The following FHIP1A variants were observed in gnomAD, a reference collection of about 807,000 sequenced individuals.
The protein encoded by FHIP1A is FHF complex subunit HOOK-interacting protein 1A.
Under a neutral mutation model 88.6 loss-of-function variants are expected in FHIP1A, and 61 were observed. The observed-to-expected ratio is 0.69, with a 90% CI of 0.56 to 0.85. FHIP1A has a LOEUF of 0.85. FHIP1A is among the 40% of genes least tolerant of loss of function. The pLI is 0.00. For synonymous variants in FHIP1A, 478 were observed against 496.0 expected (o/e 0.96, Z 0.48); for missense variants, 1,154 against 1,273.5 (o/e 0.91, Z 1.43).
chr4:151,504,562 TTTATG>T (rs59935750), intron 3 of FHIP1A, among the ~76,000 whole-genome samples: 1,856 of 145,222 alleles, frequency 0.013, 15 homozygotes, highest in South Asian at 0.029. Flanking sequence ...GGGAAAAAAT[TTTATG>T]TTATGTTATG....
chr4:151,606,101 G>C (rs1735063538), intron 7 of FHIP1A, among the ~76,000 whole-genome samples: 1 of 152,216 alleles, frequency 6.6e-6, no homozygotes, highest in Admixed American at 6.5e-5. Flanking sequence ...GGAGTGGGCA[G>C]GACAGCATGC....
intron 1 of FHIP1A, among the ~76,000 whole-genome samples, chr4:151,425,608 T>A (rs1437427437): frequency 6.6e-6 from 1 of 152,230 alleles, no homozygotes; most frequent in Non-Finnish European, 1.5e-5. Context: ...TATTAGTTTC[T>A]TACAGCTGCT....
At chr4:151,621,351 G>T (rs532229526) in intron 7 of FHIP1A, among the ~76,000 whole-genome samples, 1 of 151,748 alleles carries the variant, frequency 6.6e-6, no homozygotes, top group African/African-American at 2.4e-5. Flanking sequence ...GCAGATATGT[G>T]TGTGTTTTCT....
At chr4:151,444,215 A>G (rs1561497302) in intron 1 of FHIP1A, among the ~76,000 whole-genome samples, 1 of 151,916 alleles carries the variant, frequency 6.6e-6, no homozygotes, top group Non-Finnish European at 1.5e-5. Context: ...GAATTCTCCC[A>G]TTTTGTTCTT....
At chr4:151,418,669 T>A (rs1732992819) in intron 1 of FHIP1A, among the ~76,000 whole-genome samples, 1 of 152,202 alleles carries the variant, frequency 6.6e-6, no homozygotes, top group Admixed American at 6.5e-5. Flanking sequence ...AATTCCTAAA[T>A]CCATACCCTC....
intron 1 of FHIP1A, among the ~76,000 whole-genome samples, chr4:151,415,913 G>A (rs888673346): frequency 6.6e-6 from 1 of 150,926 alleles, no homozygotes; most frequent in African/African-American, 2.4e-5. Flanking sequence ...GCTGTTGGTT[G>A]AGCTGCTAAT....
intron 2 of FHIP1A, among the ~76,000 whole-genome samples, chr4:151,461,682 T>C (rs567298740): frequency 1.3e-5 from 2 of 152,310 alleles, no homozygotes; most frequent in Non-Finnish European, 2.9e-5. Flanking sequence ...TATATTAGCC[T>C]CCAGGGAAAT....
intron 1 of FHIP1A, among the ~76,000 whole-genome samples, chr4:151,426,025 G>A (rs550034180): frequency 6.6e-6 from 1 of 152,220 alleles, no homozygotes; most frequent in Non-Finnish European, 1.5e-5. Flanking sequence ...CTGGGGATTA[G>A]GAAGTGAATA....
At chr4:151,446,797 C>T (rs918180352) in intron 1 of FHIP1A, among the ~76,000 whole-genome samples, 17 of 151,936 alleles carry the variant, frequency 1.1e-4, no homozygotes, top group African/African-American at 4.1e-4. Flanking sequence ...GCTTAAGATA[C>T]TTGTGGTGCT....
chr4:151,650,107 C>G lies in FHIP1A; in HGVS notation c.2066C>G (p.Pro689Arg). ...INNGPLLSTQPETDSEEEWNR... is the reference protein window; with the variant it reads ...INNGPLLSTQRETDSEEEWNR... ...AACGGCCCCCTCCTCAGCACCCAGCCAGAGACAGATTCAGAGGAGGAGTGG... is the reference window on the plus strand; with the variant it reads ...AACGGCCCCCTCCTCAGCACCCAGCGAGAGACAGATTCAGAGGAGGAGTGG... The change falls in exon 11 of 14, where the codon CCA becomes CGA. Residue 689 changes from proline (P) to arginine (R), a missense_variant. Transcript: ENST00000435205. 6.4e-7 allele frequency: 1 copy of G among 1,551,668 alleles called. No homozygotes were observed. Among genetic ancestry groups the G allele is most frequent in the Non-Finnish European group, 8.7e-7 (1 of 1,146,996 alleles).
At chr4:151,537,012 C>T (rs1484029932) in intron 3 of FHIP1A, among the ~76,000 whole-genome samples, 1 of 152,060 alleles carries the variant, frequency 6.6e-6, no homozygotes, top group Non-Finnish European at 1.5e-5. Context: ...GTAGCTGGGA[C>T]TACAGGTGGT....
At chr4:151,570,500 G>A (rs573714282) in intron 4 of FHIP1A, among the ~76,000 whole-genome samples, 1 of 152,170 alleles carries the variant, frequency 6.6e-6, no homozygotes, top group African/African-American at 2.4e-5. Flanking sequence ...GGAGCGCAGT[G>A]GCTATTCACA....
intron 7 of FHIP1A, among the ~76,000 whole-genome samples, chr4:151,629,212 A>G (rs1375462661): frequency 6.6e-6 from 1 of 152,160 alleles, no homozygotes; most frequent in East Asian, 1.9e-4. Context: ...TGCAATTTAT[A>G]TTATCATTTT....
At chr4:151,618,459 A>G (rs1735623848) in intron 7 of FHIP1A, among the ~76,000 whole-genome samples, 1 of 152,218 alleles carries the variant, frequency 6.6e-6, no homozygotes, top group South Asian at 2.1e-4. Context: ...TATGAAGCAG[A>G]TGATCTTTCA....
chr4:151,492,496 A>G (rs1261558928), intron 3 of FHIP1A, among the ~76,000 whole-genome samples: 1 of 151,628 alleles, frequency 6.6e-6, no homozygotes, highest in African/African-American at 2.4e-5. Flanking sequence ...GGATGTTGAG[A>G]CAGGAGAATT....
At chr4:151,563,776 G>T (rs1733264894) in intron 3 of FHIP1A, among the ~76,000 whole-genome samples, 1 of 152,040 alleles carries the variant, frequency 6.6e-6, no homozygotes, top group Non-Finnish European at 1.5e-5. Flanking sequence ...GATTGCTTGA[G>T]CTCAGGAGTT....
chr4:151,601,268 AAAAAGGT>A lies in FHIP1A; in HGVS notation c.978+12343_978+12349del, dbSNP rs1340852417. Among the ~76,000 whole-genome samples, 9 of 152,224 alleles carry A rather than the reference AAAAAGGT, an allele frequency of 5.9e-5. No individual in the cohort carries two copies. The East Asian group carries it at 1.7e-3, about 30-fold the overall frequency. On this transcript the variant is annotated intron_variant, in intron 7 of 13. Coordinates refer to ENST00000435205, the MANE Select transcript of FHIP1A (RefSeq NM_001109977.3). ...AAAGCATATGGAAGGGAACCATGGG[AAAAAGGT>A]CCATACAGGTCTACTGGGGGGGCAT... is the stretch of plus-strand genomic sequence containing the variant.
chr4:151,576,042 C>T (rs781142255), intron 4 of FHIP1A, among the ~76,000 whole-genome samples: 11 of 152,120 alleles, frequency 7.2e-5, no homozygotes, highest in Non-Finnish European at 1.6e-4. Flanking sequence ...TGTATATTTT[C>T]AAGGGAGTAA....
intron 3 of FHIP1A, among the ~76,000 whole-genome samples, chr4:151,521,280 G>A (rs1418615667): frequency 2.0e-5 from 3 of 152,014 alleles, no homozygotes; most frequent in African/African-American, 7.3e-5. Flanking sequence ...TTCTTTTCTT[G>A]GGGAAGGTGG....
Sources: gnomAD v4.1 joint callset for allele counts (sites outside exome capture counted in the v4.1 genomes callset) on GRCh38, gnomAD v4.1.1 for gene constraint, MANE v1.5 for transcripts, NCBI Gene and HGNC (gene_info 2026-07-23, HGNC 2026-07-21) for gene names.